CSMD3: variants seen among roughly 807,000 people sequenced by gnomAD.
The protein encoded by CSMD3 is CUB and Sushi multiple domains 3.
CSMD3 carries 177 observed loss-of-function variants against 435.2 expected under a neutral mutation model. That is an observed-to-expected ratio of 0.41 (90% CI 0.36 to 0.46). CSMD3 has a LOEUF of 0.46. CSMD3 is among the 20% of genes least tolerant of loss of function. The pLI is 0.34. For missense variants in CSMD3, 4,265 were observed against 4,504.6 expected (o/e 0.95, Z 1.52); for synonymous variants, 1,656 against 1,520.5 (o/e 1.09, Z -2.07).
intron 12 of CSMD3, among the ~76,000 whole-genome samples, chr8:112,806,433 G>A (rs2079088079): frequency 6.6e-6 from 1 of 152,146 alleles, no homozygotes; most frequent in South Asian, 2.1e-4. Context: ...CTTTTTAAAA[G>A]GCTCAAGCCC....
At position 113,069,381 on chromosome 8, in the gene CSMD3, T is replaced by G. The variant is rs527386734; in HGVS notation, c.917+29375A>C. On this transcript the variant is annotated intron_variant, in intron 5 of 70. Transcript: ENST00000297405. ...GTGCCCACTAAATTCTGGTGCTATCTGTCTGATTAGTGTTATAGTTATATA... is the reference window on the plus strand; with the variant it reads ...GTGCCCACTAAATTCTGGTGCTATCGGTCTGATTAGTGTTATAGTTATATA... Among the ~76,000 whole-genome samples the G allele has an allele frequency of 3.5e-4, 54 of 152,282 alleles. No homozygotes were observed. In the South Asian group the frequency reaches 0.011, roughly 32 times the overall value.
At chr8:112,767,794 G>A (rs918728085) in intron 13 of CSMD3, among the ~76,000 whole-genome samples, 37 of 151,560 alleles carry the variant, frequency 2.4e-4, no homozygotes, top group African/African-American at 8.5e-4. Flanking sequence ...AAATGACCTT[G>A]CTGTTTAACA....
At chr8:112,229,856 G>A (rs758705005) in intron 69 of CSMD3, among the ~76,000 whole-genome samples, 75 of 150,896 alleles carry the variant, frequency 5.0e-4, no homozygotes, top group Non-Finnish European at 8.5e-4. Flanking sequence ...CTGGAATCAG[G>A]TGTAGTTAGA....
At chr8:113,076,598 T>C (rs1329297502) in intron 5 of CSMD3, among the ~76,000 whole-genome samples, 1 of 152,114 alleles carries the variant, frequency 6.6e-6, no homozygotes. Flanking sequence ...CATAGAGCTA[T>C]CACATTATAC....
intron 22 of CSMD3, among the ~76,000 whole-genome samples, 165 bp from the exon 23 acceptor site, chr8:112,587,400 T>A (rs1376470785): frequency 6.6e-6 from 1 of 151,674 alleles, no homozygotes; most frequent in Non-Finnish European, 1.5e-5. Context: ...CCTCCTCAAA[T>A]AACATATGGG....
intron 2 of CSMD3, among the ~76,000 whole-genome samples, chr8:113,291,442 A>G (rs905339133): frequency 6.6e-6 from 1 of 151,930 alleles, no homozygotes; most frequent in African/African-American, 2.4e-5. Context: ...TTATTGGAAA[A>G]TTGCATGTTT....
At chr8:113,103,036 C>T (rs1201395906) in intron 4 of CSMD3, among the ~76,000 whole-genome samples, 2 of 152,024 alleles carry the variant, frequency 1.3e-5, no homozygotes, top group Non-Finnish European at 2.9e-5. Flanking sequence ...TAAAACATCT[C>T]GTTTTGACTA....
At chr8:113,102,761 G>A (rs981652085) in intron 4 of CSMD3, among the ~76,000 whole-genome samples, 8 of 152,054 alleles carry the variant, frequency 5.3e-5, no homozygotes, top group African/African-American at 1.9e-4. Flanking sequence ...AAAGGGCGAG[G>A]GGCTATCTGG....
chr8:113,313,513 G>C (rs906925151), intron 2 of CSMD3: 1 of 152,022 alleles, frequency 6.6e-6, no homozygotes, highest in South Asian at 2.1e-4. Context: ...AGTAGAGACG[G>C]GGTTTCACTA....
At chr8:112,860,612 A>G (rs2080800435) in intron 10 of CSMD3, among the ~76,000 whole-genome samples, 1 of 151,648 alleles carries the variant, frequency 6.6e-6, no homozygotes, top group African/African-American at 2.4e-5. Flanking sequence ...CAATGAACTC[A>G]TAATTGCTAA....
In CSMD3 at chr8:113,131,577, G is replaced by A. The variant is rs1320659779; in HGVS notation, c.710-32614C>T. On this transcript the variant is annotated intron_variant, in intron 4 of 70. Coordinates refer to ENST00000297405, the MANE Select transcript of CSMD3 (RefSeq NM_198123.2). ...ACAGGATGTATGGAAACACCTGTAT[G>A]TCCAAGCAGAAGTCTGCTGCAGGGG... is the stretch of plus-strand genomic sequence containing the variant. Among the ~76,000 whole-genome samples, 4 of 152,212 alleles carry A rather than the reference G, an allele frequency of 2.6e-5. No individual in the cohort carries two copies. The East Asian group carries it at 7.8e-4, about 30-fold the overall frequency.
chr8:112,836,010 C>A (rs915832686), intron 11 of CSMD3, among the ~76,000 whole-genome samples: 1 of 151,718 alleles, frequency 6.6e-6, no homozygotes, highest in Admixed American at 6.6e-5. Flanking sequence ...TGGAGTTACC[C>A]TATTTGTTTT....
intron 22 of CSMD3, among the ~76,000 whole-genome samples, chr8:112,625,236 A>G (rs1441085635): frequency 2.0e-5 from 3 of 152,128 alleles, no homozygotes; most frequent in African/African-American, 7.2e-5. Context: ...GGTATAACCT[A>G]CTTTACCTTT....
rs549575287 is a variant in CSMD3, at chr8:112,906,081, A to T, written c.1633+15546T>A. Among the ~76,000 whole-genome samples, 4 of 151,490 alleles carry T rather than the reference A, an allele frequency of 2.6e-5. No individual in the cohort carries two copies. The South Asian group carries it at 8.3e-4, about 31-fold the overall frequency. ...AGAAAAGGGCCCTCAATGCAATCCA[A>T]CCATGCTGGCATTCTGATCTCAAAC... is the stretch of plus-strand genomic sequence containing the variant. On this transcript the variant is annotated intron_variant, in intron 10 of 70. Transcript: ENST00000297405.
intron 13 of CSMD3, among the ~76,000 whole-genome samples, chr8:112,786,607 C>A (rs1046011752): frequency 6.6e-6 from 1 of 151,462 alleles, no homozygotes; most frequent in African/African-American, 2.4e-5. Flanking sequence ...AAGATCTAAT[C>A]TGAATAGATA....
intron 3 of CSMD3, among the ~76,000 whole-genome samples, chr8:113,277,010 C>A (rs2093576401): frequency 6.6e-6 from 1 of 151,994 alleles, no homozygotes; most frequent in African/African-American, 2.4e-5. Flanking sequence ...AACCAAAAAA[C>A]ATGCCAACCT....
At chr8:113,071,419 A>C (rs972369123) in intron 5 of CSMD3, among the ~76,000 whole-genome samples, 6 of 151,876 alleles carry the variant, frequency 4.0e-5, no homozygotes, top group Non-Finnish European at 1.5e-5. Context: ...GAAGCTCTCT[A>C]TGTTTTCTTC....
rs1824711941 is a variant in CSMD3, at chr8:112,337,677, A to G, written c.6707T>C (p.Ile2236Thr). 2 of 1,613,814 alleles carry G rather than the reference A, an allele frequency of 1.2e-6. No homozygotes were observed. Among genetic ancestry groups the G allele is most frequent in the Non-Finnish European group, 1.7e-6 (2 of 1,179,720 alleles). The change falls in exon 43 of 71, where the codon ATT becomes ACT. Residue 2236 changes from isoleucine to threonine, a missense_variant. Transcript: ENST00000297405. ...DPRPFRNGFV[I>T]GNDFTVGQTI... ...TTGACCCACAGTAAAATCATTACCA[A>G]TTACAAAACCATTTCGAAACGGGCG... is the stretch of plus-strand genomic sequence containing the variant.
intron 69 of CSMD3, among the ~76,000 whole-genome samples, chr8:112,229,457 C>T (rs969124006): frequency 6.6e-6 from 1 of 151,186 alleles, no homozygotes; most frequent in African/African-American, 2.4e-5. Flanking sequence ...GAGACAGGGT[C>T]TCACTTTGTC....
Sources: allele counts gnomAD v4.1 joint callset (sites outside exome capture counted in the v4.1 genomes callset), GRCh38; gene constraint gnomAD v4.1.1; transcripts MANE v1.5; gene names NCBI Gene and HGNC (gene_info 2026-07-23, HGNC 2026-07-21).